CRBN: variants seen among roughly 807,000 people sequenced by gnomAD.
CRBN encodes the protein protein cereblon.
In CRBN, 53 loss-of-function variants were observed where a neutral mutation model predicts 62.2. That is an observed-to-expected ratio of 0.85 (90% CI 0.68 to 1.07). The LOEUF (loss-of-function observed/expected upper bound fraction) is 1.07. Among genes scored for constraint, CRBN ranks in the 50% least tolerant of loss-of-function variants. The probability of loss-of-function intolerance (pLI) is 0.00; values close to 1 mark genes in which losing one functional copy is unlikely to be tolerated. For missense variants in CRBN, 616 were observed against 531.1 expected (o/e 1.16, Z -1.57); for synonymous variants, 208 against 176.1 (o/e 1.18, Z -1.43).
chr3:3,172,889 T>G lies in CRBN; in HGVS notation c.414A>C (p.Thr138=), dbSNP rs971320090. The G allele has an allele frequency of 6.2e-7, 1 of 1,613,832 alleles. No homozygotes were observed. Among genetic ancestry groups the G allele is most frequent in the African/African-American group, 1.3e-5 (1 of 75,050 alleles). ...VQEREAQFGT[T]AEIYAYREEQ... is the part of the protein sequence containing the mutation. ...CTTCTCGATAGGCATATATCTCTGC[T>G]GTTGTTCCAAACTGTGCTTCCCTTT... is the stretch of plus-strand genomic sequence containing the variant. The change falls in exon 4 of 11, where the codon ACA becomes ACC. Residue 138 remains threonine (T), a synonymous_variant. Transcript: ENST00000231948.
intron 3 of CRBN, 189 bp downstream of exon 3, chr3:3,173,870 T>C (rs997190776): frequency 3.2e-6 from 2 of 621,130 alleles, no homozygotes; most frequent in Middle Eastern, 4.3e-4. Context: ...CTGAGTTAGA[T>C]GGTAATGAAA....
At chr3:3,168,190 T>C (rs1423481154) in intron 4 of CRBN, among the ~76,000 whole-genome samples, 1 of 152,104 alleles carries the variant, frequency 6.6e-6, no homozygotes, top group African/African-American at 2.4e-5. Flanking sequence ...CTTCTTATGC[T>C]GCTTAACTCT....
chr3:3,173,213 A>G (rs1001131559), intron 3 of CRBN, among the ~76,000 whole-genome samples: 3 of 152,030 alleles, frequency 2.0e-5, no homozygotes, highest in Non-Finnish European at 2.9e-5. Flanking sequence ...ACATACCACC[A>G]CGCCTGGCTA....
chr3:3,174,157 G>C lies in CRBN; in HGVS notation c.279C>G (p.Pro93=), dbSNP rs773279779. The C allele has an allele frequency of 4.3e-6, 7 of 1,613,990 alleles. No individual in the cohort carries two copies. The South Asian group carries it at 5.5e-5, about 13-fold the overall frequency. ...AAAGCTGAAGAGGTAATGTCTGTCC[G>C]GGAATCAGGATCATCATCACTTGTG... The part of the protein sequence containing the change: ...VLPQVMMILI[P]GQTLPLQLFH... Residue 93 remains proline, a synonymous_variant, in exon 3 of 11, where the codon CCC becomes CCG. Coordinates refer to ENST00000231948, the MANE Select transcript of CRBN (RefSeq NM_016302.4).
In CRBN at chr3:3,151,001, A is replaced by G. The variant is rs753401262; in HGVS notation, c.1193T>C (p.Ile398Thr). The change falls in exon 11 of 11, where the codon ATT becomes ACT. Residue 398 changes from isoleucine (I) to threonine (T), a missense_variant. Transcript: ENST00000231948. ...TTTGGTGGCCGTAAACTTCCATCCA[A>G]TATGGCTTGCACAGATCTTACACTG... Reference protein sequence around the residue: ...VAQCKICASHIGWKFTATKKD... With the variant: ...VAQCKICASHTGWKFTATKKD... 25 of 1,613,850 alleles carry G rather than the reference A, an allele frequency of 1.5e-5. No homozygotes were observed. Among genetic ancestry groups the G allele is most frequent in the East Asian group, 4.5e-5 (2 of 44,878 alleles).
Position 3,150,838 on chromosome 3 carries a change from AGATAACTTT to A in CRBN, c.*18_*26del, listed in dbSNP as rs1339313042. 5 of 1,560,044 alleles carry A rather than the reference AGATAACTTT, an allele frequency of 3.2e-6. No homozygotes were observed. The East Asian group carries it at 9.0e-5, about 28-fold the overall frequency. ...GATCTTAGAATATAACCAATTTGTT[AGATAACTTT>A]ATCTCTATCACATCTGTTTACAAGC... On this transcript the variant is annotated 3_prime_UTR_variant, in exon 11 of 11. Coordinates refer to ENST00000231948, the MANE Select transcript of CRBN (RefSeq NM_016302.4).
chr3:3,171,499 G>C (rs1707612827), intron 4 of CRBN, among the ~76,000 whole-genome samples: 1 of 151,550 alleles, frequency 6.6e-6, no homozygotes, highest in Non-Finnish European at 1.5e-5. Context: ...CTTATCTATT[G>C]AGGGAGACGT....
intron 5 of CRBN, among the ~76,000 whole-genome samples, chr3:3,165,379 G>A (rs1295664796): frequency 3.9e-5 from 6 of 152,112 alleles, no homozygotes; most frequent in African/African-American, 1.2e-4. Context: ...TGCTAAAGAG[G>A]GATCTTTTGT....
intron 1 of CRBN, among the ~76,000 whole-genome samples, chr3:3,178,169 G>A (rs1398544652): frequency 1.3e-5 from 2 of 152,094 alleles, no homozygotes; most frequent in East Asian, 3.8e-4. Context: ...ACCGGATTTG[G>A]CACAGAGAGT....
In CRBN at chr3:3,156,228, T is replaced by C. The variant is rs765864357; in HGVS notation, c.741A>G (p.Leu247=). The change falls in exon 6 of 11, where the codon TTA becomes TTG. Residue 247 remains leucine, a synonymous_variant. Transcript: ENST00000231948. ...LTSWPRWLYS[L]YDAETLMDRI... ...AAGGTAAGTTACTTACAGCATCATA[T>C]AAGGAATACAGCCAGCGAGGCCATG... The C allele has an allele frequency of 1.2e-6, 2 of 1,613,390 alleles. No individual in the cohort carries two copies. Among genetic ancestry groups the C allele is most frequent in the South Asian group, 1.1e-5 (1 of 91,066 alleles).
chr3:3,167,556 T>A, intron 5 of CRBN, 78 bp downstream of exon 5: 3 of 1,380,748 alleles, frequency 2.2e-6, no homozygotes, highest in Non-Finnish European at 3.1e-6. Flanking sequence ...ATCATGAAAG[T>A]TGTGTTTCTT....
At chr3:3,173,909 C>G (rs1016586109) in intron 3 of CRBN, 150 bp downstream of exon 3, 2 of 706,546 alleles carry the variant, frequency 2.8e-6, no homozygotes, top group African/African-American at 3.5e-5. Context: ...CTTGCACTAT[C>G]AAACTTCTAC....
chr3:3,173,675 G>C (rs906943883), intron 3 of CRBN, among the ~76,000 whole-genome samples: 2 of 152,158 alleles, frequency 1.3e-5, no homozygotes, highest in African/African-American at 4.8e-5. Context: ...TGAATTTTGA[G>C]AGAGAGGGAA....
At chr3:3,178,235 AC>A (rs1405978730) in intron 1 of CRBN, among the ~76,000 whole-genome samples, 1 of 152,106 alleles carries the variant, frequency 6.6e-6, no homozygotes, top group Non-Finnish European at 1.5e-5. Context: ...TGGCACACTT[AC>A]CCTTGTGTCA....
intron 7 of CRBN, 48 bp downstream of exon 7, chr3:3,154,699 T>C: frequency 1.9e-6 from 2 of 1,026,574 alleles, no homozygotes; most frequent in Non-Finnish European, 1.6e-6. Context: ...AAGCTATTTT[T>C]TATAGCAAGA....
intron 8 of CRBN, 23 bp from the exon 9 acceptor site, chr3:3,153,511 T>C (rs1706729986): frequency 7.1e-7 from 1 of 1,402,402 alleles, no homozygotes. Flanking sequence ...AGAGAAAAAT[T>C]ATTGGTAGGA....
intron 4 of CRBN, among the ~76,000 whole-genome samples, chr3:3,170,999 T>C (rs534649999): frequency 6.6e-6 from 1 of 152,264 alleles, no homozygotes; most frequent in African/African-American, 2.4e-5. Flanking sequence ...GAGATGGGGT[T>C]TCTCCATGTT....
chr3:3,153,681 T>G (rs1706740610), intron 8 of CRBN, 193 bp from the exon 9 acceptor site: 2 of 622,250 alleles, frequency 3.2e-6, no homozygotes, highest in South Asian at 2.0e-5. Context: ...TGCCACATAT[T>G]TACATAAAAC....
At chr3:3,152,302 G>A (rs189302157) in intron 10 of CRBN, among the ~76,000 whole-genome samples, 154 bp downstream of exon 10, 1 of 151,666 alleles carries the variant, frequency 6.6e-6, no homozygotes, top group East Asian at 1.9e-4. Flanking sequence ...ACAGACCCCT[G>A]CCCCCATACC....
Sources: allele counts gnomAD v4.1 joint callset (sites outside exome capture counted in the v4.1 genomes callset), GRCh38; gene constraint gnomAD v4.1.1; transcripts MANE v1.5; gene names NCBI Gene and HGNC (gene_info 2026-07-23, HGNC 2026-07-21).